Variants in NRG1 observed in about 807,000 individuals in gnomAD.
NRG1 encodes the protein neuregulin 1.
In NRG1, 18 loss-of-function variants were observed where a neutral mutation model predicts 63.8. That is an observed-to-expected ratio of 0.28 (90% CI 0.19 to 0.42). The LOEUF (loss-of-function observed/expected upper bound fraction) is 0.42. Among genes scored for constraint, NRG1 ranks in the 10% least tolerant of loss-of-function variants. The probability of loss-of-function intolerance (pLI) is 1.00; values close to 1 mark genes in which losing one functional copy is unlikely to be tolerated. For missense variants in NRG1, 762 were observed against 814.7 expected (o/e 0.94, Z 0.79); for synonymous variants, 302 against 301.3 (o/e 1.00, Z -0.02).
At chr8:32,381,614 C>T (rs1810367307) in intron 1 of NRG1, among the ~76,000 whole-genome samples, 1 of 152,122 alleles carries the variant, frequency 6.6e-6, no homozygotes, top group South Asian at 2.1e-4. Context: ...ACCAAATTAC[C>T]TTTTAAAATT....
intron 1 of NRG1, among the ~76,000 whole-genome samples, chr8:32,333,982 A>G (rs1464829512): frequency 1.3e-5 from 2 of 152,136 alleles, no homozygotes; most frequent in Non-Finnish European, 2.9e-5. Context: ...CCTAGGTTGA[A>G]GTGCCACTTC....
chr8:31,787,966 A>G (rs1375800235), intron 1 of NRG1, among the ~76,000 whole-genome samples: 2 of 152,166 alleles, frequency 1.3e-5, no homozygotes, highest in African/African-American at 2.4e-5. Flanking sequence ...AATCTTCACA[A>G]TGGCTCTACT....
intron 1 of NRG1, among the ~76,000 whole-genome samples, chr8:32,142,977 C>T (rs554699648): frequency 2.6e-5 from 4 of 152,248 alleles, no homozygotes; most frequent in South Asian, 4.1e-4. Context: ...GTGTGGTAAA[C>T]GTGAGGCAAA....
chr8:31,840,440 CCTT>C lies in NRG1; in HGVS notation c.37+201012_37+201014del, dbSNP rs534921244. Among the ~76,000 whole-genome samples the C allele has an allele frequency of 1.1e-3, 160 of 148,830 alleles. 3 individuals are homozygous for C. The South Asian group carries it at 0.033, about 31-fold the overall frequency. On this transcript the variant is annotated intron_variant, in intron 1 of 10. Coordinates refer to the NRG1 transcript ENST00000519301. ...ATCAGCACCTACAATAATGCTGTCT[CCTT>C]CTGACCCTGCCAAGTCTGACTGCAT...
At chr8:31,899,880 G>C (rs1213663092) in intron 1 of NRG1, among the ~76,000 whole-genome samples, 1 of 152,100 alleles carries the variant, frequency 6.6e-6, no homozygotes, top group African/African-American at 2.4e-5. Context: ...AAGACGAATG[G>C]AAGACTACAT....
At chr8:32,494,789 G>C (rs1287885318) in intron 1 of NRG1, among the ~76,000 whole-genome samples, 2 of 152,126 alleles carry the variant, frequency 1.3e-5, no homozygotes, top group Admixed American at 1.3e-4. Context: ...TCATCCTTCA[G>C]TTCCCTTTTG....
intron 1 of NRG1, among the ~76,000 whole-genome samples, chr8:31,968,729 G>GT (rs1207326568): frequency 1.3e-5 from 2 of 152,000 alleles, no homozygotes; most frequent in African/African-American, 2.4e-5. Flanking sequence ...ATTTCTCATG[G>GT]TTTTTTTCTA....
intron 11 of NRG1, chr8:32,763,336 T>TAAG (rs767297846): frequency 6.2e-7 from 1 of 1,614,036 alleles, no homozygotes; most frequent in Non-Finnish European, 8.5e-7. Flanking sequence ...CTTCATTCTC[T>TAAG]AAGACCCCTT....
chr8:32,397,768 G>A (rs907104038), intron 1 of NRG1, among the ~76,000 whole-genome samples: 1 of 152,184 alleles, frequency 6.6e-6, no homozygotes, highest in Non-Finnish European at 1.5e-5. Context: ...TCACCTCAGT[G>A]ATACCCAGTC....
At chr8:32,583,146 C>T (rs1563702892) in intron 1 of NRG1, among the ~76,000 whole-genome samples, 1 of 152,028 alleles carries the variant, frequency 6.6e-6, no homozygotes, top group Non-Finnish European at 1.5e-5. Context: ...TATAACCTAA[C>T]ATTTTCTGGC....
At chr8:31,988,963 C>T (rs1046574315) in intron 1 of NRG1, among the ~76,000 whole-genome samples, 2 of 151,856 alleles carry the variant, frequency 1.3e-5, no homozygotes, top group South Asian at 4.1e-4. Flanking sequence ...AAAAAGACCC[C>T]AGTAGCTGGG....
chr8:31,735,008 A>G lies in NRG1; in HGVS notation c.37+95577A>G, dbSNP rs992196546. Among the ~76,000 whole-genome samples the G allele has an allele frequency of 7.9e-5, 12 of 152,138 alleles. No individual in the cohort carries two copies. The East Asian group carries it at 2.3e-3, about 29-fold the overall frequency. Reference sequence around the variant, plus strand: ...CTATGTGTGCGTCATGGACACCTGGACACAGGCTAAAAGCTTCTTGAGCAA... The same window carrying G: ...CTATGTGTGCGTCATGGACACCTGGGCACAGGCTAAAAGCTTCTTGAGCAA... On this transcript the variant is annotated intron_variant, in intron 1 of 10. Coordinates refer to the NRG1 transcript ENST00000519301.
intron 1 of NRG1, among the ~76,000 whole-genome samples, chr8:32,286,866 G>A (rs187132236): frequency 1.5e-3 from 226 of 152,112 alleles, no homozygotes; most frequent in African/African-American, 5.2e-3. Context: ...GCATGGTGGC[G>A]GGCACCTGTA....
chr8:32,129,250 G>A lies in NRG1; in HGVS notation c.38-466578G>A, dbSNP rs149580189. On this transcript the variant is annotated intron_variant, in intron 1 of 10. Coordinates refer to the NRG1 transcript ENST00000519301. ...TAGGGCTCCTATAACTAACGCTAGC[G>A]TGGTGCCTTAGAACAACAGAAATTT... 7.0e-3 allele frequency among the ~76,000 whole-genome samples: 1,061 copies of A among 152,042 alleles called. 12 individuals are homozygous for A. The highest frequency in any genetic ancestry group is 0.025 in the African/African-American group (1,027 of 41,502).
intron 1 of NRG1, among the ~76,000 whole-genome samples, chr8:32,245,267 G>A (rs918351398): frequency 1.3e-5 from 2 of 152,150 alleles, no homozygotes; most frequent in Non-Finnish European, 2.9e-5. Flanking sequence ...TGGGCAATCA[G>A]ATGTTATTTT....
intron 7 of NRG1, among the ~76,000 whole-genome samples, chr8:32,747,271 A>G (rs1237969750): frequency 6.6e-6 from 1 of 152,118 alleles, no homozygotes; most frequent in Non-Finnish European, 1.5e-5. Flanking sequence ...TTCTGTAGAC[A>G]TCGCTTGATT....
chr8:32,572,450 C>T (rs1420426416), intron 1 of NRG1, among the ~76,000 whole-genome samples: 1 of 152,126 alleles, frequency 6.6e-6, no homozygotes, highest in East Asian at 1.9e-4. Flanking sequence ...TAAGCCAAAA[C>T]TTCATTCCTC....
At chr8:32,114,109 C>T (rs549286345) in intron 1 of NRG1, among the ~76,000 whole-genome samples, 2 of 152,180 alleles carry the variant, frequency 1.3e-5, no homozygotes, top group Non-Finnish European at 2.9e-5. Context: ...ATGGCCAAAG[C>T]GTTTACTTAC....
At chr8:31,734,463 C>G (rs925824994) in intron 1 of NRG1, among the ~76,000 whole-genome samples, 2 of 152,046 alleles carry the variant, frequency 1.3e-5, no homozygotes, top group Non-Finnish European at 1.5e-5. Flanking sequence ...TGATATGGCC[C>G]ACATATAGAA....
Sources: allele counts gnomAD v4.1 joint callset (sites outside exome capture counted in the v4.1 genomes callset), GRCh38; gene constraint gnomAD v4.1.1; transcripts MANE v1.5; gene names NCBI Gene and HGNC (gene_info 2026-07-23, HGNC 2026-07-21).